Variants in PDXP observed in about 807,000 individuals in gnomAD.
PDXP encodes chronophin.
In PDXP, 15 loss-of-function variants were observed where a neutral mutation model predicts 14.4. The ratio of observed to expected loss-of-function variants is 1.04; its 90% confidence interval spans 0.70 to 1.60. The LOEUF is 1.60. Ranked by LOEUF, PDXP falls within the 40% of genes most tolerant of loss-of-function variation. The pLI is 0.00. For missense variants in PDXP, 413 were observed against 427.6 expected (o/e 0.97, Z 0.30); for synonymous variants, 233 against 205.6 (o/e 1.13, Z -1.14).
chr22:37,658,837 G>A lies in PDXP; in HGVS notation c.55G>A (p.Ala19Thr). The A allele has an allele frequency of 1.7e-6, 2 of 1,196,960 alleles. No individual in the cohort carries two copies. Among genetic ancestry groups the A allele is most frequent in the Non-Finnish European group, 2.1e-6 (2 of 964,890 alleles). The allele number at this position is 1,196,960 out of a possible 1,614,324, so 74.1% of individuals were successfully genotyped here. A position where few individuals can be genotyped will look rare whatever the true frequency, so the allele number is the denominator to read the frequency against. Residue 19 changes from alanine to threonine, a missense_variant, in exon 1 of 2, where the codon GCG becomes ACG. Coordinates refer to ENST00000215904, the MANE Select transcript of PDXP (RefSeq NM_020315.5). Reference protein sequence around the residue: ...GAALRDVLGRAQGVLFDCDGV... With the variant: ...GAALRDVLGRTQGVLFDCDGV... Reference sequence around the variant, plus strand: ...GGCCCTGCGCGACGTGCTGGGCCGGGCGCAGGGGGTCCTGTTCGACTGTGA... The same window carrying A: ...GGCCCTGCGCGACGTGCTGGGCCGGACGCAGGGGGTCCTGTTCGACTGTGA...
intron 1 of PDXP, chr22:37,664,920 C>G (rs1921016185): frequency 6.5e-6 from 1 of 152,758 alleles, no homozygotes; most frequent in Non-Finnish European, 1.5e-5. Context: ...GATCACTTTC[C>G]CGGGGGACGC....
intron 1 of PDXP, chr22:37,665,168 G>C (rs550173607): frequency 3.8e-6 from 1 of 262,770 alleles, no homozygotes; most frequent in South Asian, 6.7e-5. Context: ...TGAGTGGTTT[G>C]TCCAAAGGTC....
At position 37,665,725 on chromosome 22, in the gene PDXP, C is replaced by T. The variant is rs201240651; in HGVS notation, c.745C>T (p.Arg249Cys). ...RLETDILFGHRCGMTTVLTLT... is the reference protein window; with the variant it reads ...RLETDILFGHCCGMTTVLTLT... ...GGAGACCGACATCCTCTTTGGCCAC[C>T]GCTGCGGCATGACCACTGTGCTCAC... The change falls in exon 2 of 2, where the codon CGC becomes TGC. Residue 249 changes from arginine (R) to cysteine (C), a missense_variant. Coordinates refer to ENST00000215904, the MANE Select transcript of PDXP (RefSeq NM_020315.5). 4.2e-5 allele frequency: 67 copies of T among 1,614,136 alleles called. No homozygotes were observed. The highest frequency in any genetic ancestry group is 1.6e-4 in the Middle Eastern group (1 of 6,062).
rs1291157721 is a variant in PDXP at position 37,658,777 on chromosome 22, G to C, written c.-6G>C. 8.6e-7 allele frequency: 1 copy of C among 1,168,448 alleles called. No homozygotes were observed. Among genetic ancestry groups the C allele is most frequent in the Non-Finnish European group, 1.1e-6 (1 of 947,244 alleles). 72.4% of individuals were successfully genotyped at this position (1,168,448 alleles called of 1,614,324 possible). On this transcript the variant is annotated 5_prime_UTR_variant, in exon 1 of 2. Transcript: ENST00000215904. Reference sequence around the variant, plus strand: ...CGGCGCGGGAGGCCGGCGGCCGGCCGGCTGCATGGCGCGCTGCGAGAGGCT... The same window carrying C: ...CGGCGCGGGAGGCCGGCGGCCGGCCCGCTGCATGGCGCGCTGCGAGAGGCT...
rs1260858246 is a variant in PDXP at position 37,658,927 on chromosome 22, C to T, written c.145C>T (p.Arg49Trp). ...CCCGGAGCTGCTGGAGCGGCTGGCG[C>T]GGGCCGGCAAGGCGGCTCTGTTTGT... Reference protein sequence around the residue: ...GAPELLERLARAGKAALFVSN... With the variant: ...GAPELLERLAWAGKAALFVSN... The change falls in exon 1 of 2, where the codon CGG becomes TGG. Residue 49 changes from arginine to tryptophan, a missense_variant. Coordinates refer to ENST00000215904, the MANE Select transcript of PDXP (RefSeq NM_020315.5). The T allele has an allele frequency of 2.5e-6, 3 of 1,218,408 alleles. No homozygotes were observed. The highest frequency in any genetic ancestry group is 2.0e-6 in the Non-Finnish European group (2 of 976,532). 75.5% of individuals were successfully genotyped at this position (1,218,408 alleles called of 1,614,324 possible).
rs1470397475 is a variant in PDXP, at chr22:37,659,102, C to T, written c.320C>T (p.Pro107Leu). ...RQRLPGPPDA[P>L]GAVFVLGGEG... ...CGCCTGCCCGGGCCTCCGGACGCGC[C>T]GGGCGCCGTGTTCGTGCTGGGCGGC... Residue 107 changes from proline to leucine, a missense_variant, in exon 1 of 2, where the codon CCG (proline) becomes CTG (leucine). By Grantham distance (98) the Pro-to-Leu change is moderately conservative (BLOSUM62 -3). Coordinates refer to ENST00000215904, the MANE Select transcript of PDXP (RefSeq NM_020315.5). 2.9e-6 allele frequency: 3 copies of T among 1,045,004 alleles called. No homozygotes were observed. The highest frequency in any genetic ancestry group is 2.3e-6 in the Non-Finnish European group (2 of 870,834). 64.7% of individuals were successfully genotyped at this position (1,045,004 alleles called of 1,614,324 possible).
intron 1 of PDXP, 34 bp from the exon 2 acceptor site, chr22:37,665,521 C>G: frequency 1.3e-6 from 2 of 1,543,470 alleles, no homozygotes; most frequent in East Asian, 4.5e-5. Flanking sequence ...GTCCCTGCCG[C>G]CCTCCTGCTG....
At chr22:37,664,238 CTT>C (rs67430441) in intron 1 of PDXP, among the ~76,000 whole-genome samples, 4 of 145,646 alleles carry the variant, frequency 2.7e-5, no homozygotes, top group African/African-American at 1.0e-4. Flanking sequence ...GCCAGCTTTT[CTT>C]TTTTTTTTTA....
chr22:37,659,258 TG>T lies in PDXP; in HGVS notation c.477del (p.Arg160GlyfsTer25). 7.5e-7 allele frequency: 1 copy of T among 1,324,530 alleles called. No individual in the cohort carries two copies. The highest frequency in any genetic ancestry group is 2.3e-5 in the South Asian group (1 of 42,798). 82.0% of individuals were successfully genotyped at this position (1,324,530 alleles called of 1,614,324 possible). A position where few individuals can be genotyped will look rare whatever the true frequency, so the allele number is the denominator to read the frequency against. ...GACGAGCACTTCTCCTTCGCCAAGC[TG>T]AGGGAGGCGTGCGCGCACCTGCGCG... The part of the protein sequence containing the change: ...GYDEHFSFAK[L>X]REACAHLRDP... On this transcript the variant is annotated frameshift_variant, in exon 1 of 2. Coordinates refer to ENST00000215904, the MANE Select transcript of PDXP (RefSeq NM_020315.5). LOFTEE classifies it high-confidence loss of function.
In PDXP at chr22:37,666,176, A is replaced by T. The variant is rs1921077741; in HGVS notation, c.*305A>T. 1 of 483,360 alleles carries T rather than the reference A, an allele frequency of 2.1e-6. No homozygotes were observed. The highest frequency in any genetic ancestry group is 3.7e-5 in the Admixed American group (1 of 27,070). 29.9% of individuals were successfully genotyped at this position (483,360 alleles called of 1,614,324 possible). A position where few individuals can be genotyped will look rare whatever the true frequency, so the allele number is the denominator to read the frequency against. Reference sequence around the variant, plus strand: ...ATCTGGGCCCTGGTGCCTGCTGAAGATTCCCTCTATCCCTGAGTACTTAGT... The same window carrying T: ...ATCTGGGCCCTGGTGCCTGCTGAAGTTTCCCTCTATCCCTGAGTACTTAGT... On this transcript the variant is annotated 3_prime_UTR_variant, in exon 2 of 2. Coordinates refer to ENST00000215904, the MANE Select transcript of PDXP (RefSeq NM_020315.5).
At chr22:37,663,155 T>A (rs1304436449) in intron 1 of PDXP, among the ~76,000 whole-genome samples, 1 of 150,686 alleles carries the variant, frequency 6.6e-6, no homozygotes, top group Non-Finnish European at 1.5e-5. Context: ...ACAAAAAAAA[T>A]TAGCCGGGCA....
chr22:37,658,846 G>T lies in PDXP; in HGVS notation c.64G>T (p.Val22Phe), dbSNP rs780427943. The T allele has an allele frequency of 2.5e-6, 3 of 1,206,554 alleles. No homozygotes were observed. The highest frequency in any genetic ancestry group is 3.1e-6 in the Non-Finnish European group (3 of 970,324). 74.7% of individuals were successfully genotyped at this position (1,206,554 alleles called of 1,614,324 possible). A position where few individuals can be genotyped will look rare whatever the true frequency, so the allele number is the denominator to read the frequency against. The change falls in exon 1 of 2, where the codon GTC (valine) becomes TTC (phenylalanine). Residue 22 changes from valine to phenylalanine, a missense_variant. Transcript: ENST00000215904. The stretch of plus-strand genomic sequence containing the variant: ...CGACGTGCTGGGCCGGGCGCAGGGG[G>T]TCCTGTTCGACTGTGACGGGGTGCT... ...LRDVLGRAQG[V>F]LFDCDGVLWN... is the part of the protein sequence containing the mutation.
Position 37,662,726 on chromosome 22 carries a change from G to A in PDXP, c.575-2829G>A, listed in dbSNP as rs567877024. Among the ~76,000 whole-genome samples the A allele has an allele frequency of 9.8e-5, 15 of 152,294 alleles. No homozygotes were observed. The South Asian group carries it at 2.7e-3, about 27-fold the overall frequency. ...ATTTAGGTCGGGCACAGTGGCGCATGCCTGTAATCCCAGCACTTTGGGAGG... is the reference window on the plus strand; with the variant it reads ...ATTTAGGTCGGGCACAGTGGCGCATACCTGTAATCCCAGCACTTTGGGAGG... On this transcript the variant is annotated intron_variant, in intron 1 of 1. Coordinates refer to ENST00000215904, the MANE Select transcript of PDXP (RefSeq NM_020315.5).
At chr22:37,661,898 TTCTC>T (rs1350749579) in intron 1 of PDXP, among the ~76,000 whole-genome samples, 4 of 149,758 alleles carry the variant, frequency 2.7e-5, no homozygotes, top group African/African-American at 9.9e-5. Context: ...GTGGCTTTTA[TTCTC>T]TCTCTTTTTC....
chr22:37,661,930 T>TA (rs1933215112), intron 1 of PDXP, among the ~76,000 whole-genome samples: 2 of 18,520 alleles, frequency 1.1e-4, no homozygotes, highest in African/African-American at 4.6e-4. Context: ...TTTTTTTTTT[T>TA]TTTTTTTTTT....
Position 37,665,734 on chromosome 22 carries a change from A to G in PDXP, c.754A>G (p.Met252Val). 6.2e-7 allele frequency: 1 copy of G among 1,614,132 alleles called. No homozygotes were observed. The highest frequency in any genetic ancestry group is 8.5e-7 in the Non-Finnish European group (1 of 1,180,038). Reference sequence around the variant, plus strand: ...CATCCTCTTTGGCCACCGCTGCGGCATGACCACTGTGCTCACGCTCACAGG... The same window carrying G: ...CATCCTCTTTGGCCACCGCTGCGGCGTGACCACTGTGCTCACGCTCACAGG... ...TDILFGHRCG[M>V]TTVLTLTGVS... is the part of the protein sequence containing the mutation. The change falls in exon 2 of 2, where the codon ATG (methionine) becomes GTG (valine). Residue 252 changes from methionine to valine, a missense_variant. Physicochemically the swap from Met to Val is conservative, Grantham distance 21 (BLOSUM62 1). Transcript: ENST00000215904.
Position 37,666,899 on chromosome 22 carries a change from C to T in PDXP, c.*1028C>T, listed in dbSNP as rs895468362. 2 of 167,114 alleles carry T rather than the reference C, an allele frequency of 1.2e-5. No individual in the cohort carries two copies. The highest frequency in any genetic ancestry group is 6.5e-5 in the Admixed American group (1 of 15,286). The allele number at this position is 167,114 out of a possible 1,614,324, so 10.4% of individuals were successfully genotyped here. ...ACCTCCACCCCTGTTGTGACCTGTC[C>T]TTCCGTACTTAATAAAGTGCGCGTG... On this transcript the variant is annotated 3_prime_UTR_variant, in exon 2 of 2. Coordinates refer to ENST00000215904, the MANE Select transcript of PDXP (RefSeq NM_020315.5).
intron 1 of PDXP, among the ~76,000 whole-genome samples, chr22:37,663,915 T>C (rs984721004): frequency 7.4e-6 from 1 of 135,198 alleles, no homozygotes; most frequent in Admixed American, 7.8e-5. Flanking sequence ...CTGGAATACG[T>C]TGACTTTTTT....
intron 1 of PDXP, chr22:37,664,823 G>A (rs1478817919): frequency 6.5e-6 from 1 of 152,908 alleles, no homozygotes; most frequent in Non-Finnish European, 1.5e-5. Context: ...ACTCGGGAGT[G>A]TTCCACAGTT....
Sources: allele counts gnomAD v4.1 joint callset (sites outside exome capture counted in the v4.1 genomes callset), GRCh38; gene constraint gnomAD v4.1.1; transcripts MANE v1.5; gene names NCBI Gene and HGNC (gene_info 2026-07-23, HGNC 2026-07-21).